Variants in C9orf85 observed in about 807,000 individuals in gnomAD.
C9orf85 encodes uncharacterized protein C9orf85.
In C9orf85, 16 loss-of-function variants were observed where a neutral mutation model predicts 14.9. The observed-to-expected ratio is 1.08, with a 90% CI of 0.73 to 1.63. C9orf85 has a LOEUF of 1.63. Ranked by LOEUF, C9orf85 falls within the 40% of genes most tolerant of loss-of-function variation. The pLI is 0.00. For synonymous variants in C9orf85, 45 were observed against 56.8 expected (o/e 0.79, Z 0.93); for missense variants, 172 against 186.1 (o/e 0.92, Z 0.44).
At chr9:71,915,000 G>A (rs570233815) in intron 1 of C9orf85, among the ~76,000 whole-genome samples, 3 of 152,190 alleles carry the variant, frequency 2.0e-5, no homozygotes, top group South Asian at 4.2e-4. Context: ...GATGTCCAAC[G>A]AAAAGAGCAC....
chr9:71,947,106 A>G lies in C9orf85; in HGVS notation c.203A>G (p.Lys68Arg), dbSNP rs1822117029. The G allele has an allele frequency of 6.2e-7, 1 of 1,607,436 alleles. No individual in the cohort carries two copies. Residue 68 changes from lysine to arginine, a missense_variant, in exon 2 of 4, where the codon AAA becomes AGA. By Grantham distance (26) the Lys-to-Arg change is conservative. Transcript: ENST00000334731. Reference sequence around the variant, plus strand: ...AAATACAAACCATTATCAAAACCTAAAAAGTGGTGAGTTAAGATTCTTCAT... The same window carrying G: ...AAATACAAACCATTATCAAAACCTAGAAAGTGGTGAGTTAAGATTCTTCAT... ...YSKYKPLSKP[K>R]KCVKCLQKTV...
intron 2 of C9orf85, among the ~76,000 whole-genome samples, chr9:71,967,517 GTAAT>G (rs368681662): frequency 6.6e-6 from 1 of 151,938 alleles, no homozygotes; most frequent in African/African-American, 2.4e-5. Flanking sequence ...CTTATACAAA[GTAAT>G]TAATCATTGC....
chr9:71,926,634 G>A (rs1252946727), intron 1 of C9orf85, among the ~76,000 whole-genome samples: 7 of 115,824 alleles, frequency 6.0e-5, no homozygotes, highest in Admixed American at 8.7e-5. Flanking sequence ...CACTGCTGTT[G>A]AAAAAAAAAA....
At chr9:71,916,619 A>T (rs373913851) in intron 1 of C9orf85, among the ~76,000 whole-genome samples, 8 of 152,336 alleles carry the variant, frequency 5.3e-5, no homozygotes, top group Admixed American at 2.0e-4. Flanking sequence ...ATGGAAGTCT[A>T]TGGGTGTACT....
intron 2 of C9orf85, among the ~76,000 whole-genome samples, chr9:71,967,379 C>T (rs1822722632): frequency 6.6e-6 from 1 of 152,258 alleles, no homozygotes; most frequent in Admixed American, 6.5e-5. Context: ...ATCTGTGTGT[C>T]CTTTCACCAG....
intron 1 of C9orf85, among the ~76,000 whole-genome samples, chr9:71,933,141 G>A (rs1288203534): frequency 1.3e-5 from 2 of 152,146 alleles, no homozygotes; most frequent in Non-Finnish European, 2.9e-5. Flanking sequence ...CCCTTAAGTG[G>A]ACCAACTTAC....
At position 71,949,516 on chromosome 9, in the gene C9orf85, AGAG is replaced by A. The variant is rs139570594; in HGVS notation, c.209+2410_209+2412del. Among the ~76,000 whole-genome samples, 605 of 152,336 alleles carry A rather than the reference AGAG, an allele frequency of 4.0e-3. 5 individuals carry two copies. The highest frequency in any genetic ancestry group is 0.013 in the African/African-American group (536 of 41,574). ...ACTGCTAGTTAAAACAAGATCTTGT[AGAG>A]GAGGAAAAAAGTCCTTTCCTTCTAC... On this transcript the variant is annotated intron_variant, in intron 2 of 3. Coordinates refer to ENST00000334731, the MANE Select transcript of C9orf85 (RefSeq NM_182505.5).
At position 71,973,313 on chromosome 9, in the gene C9orf85, A is replaced by G. The variant is rs1822939036; in HGVS notation, c.*471A>G. On this transcript the variant is annotated 3_prime_UTR_variant, in exon 4 of 4. Coordinates refer to ENST00000334731, the MANE Select transcript of C9orf85 (RefSeq NM_182505.5). ...ATATAAATTGTGTATATTACTTAAC[A>G]TCAAACTAAACAAGATTCAGAATTG... 1 of 152,210 alleles carries G rather than the reference A, an allele frequency of 6.6e-6. No individual in the cohort carries two copies. Among genetic ancestry groups the G allele is most frequent in the Non-Finnish European group, 1.5e-5 (1 of 68,048 alleles). 9.4% of individuals were successfully genotyped at this position (152,210 alleles called of 1,614,324 possible).
intron 1 of C9orf85, among the ~76,000 whole-genome samples, chr9:71,941,258 A>G (rs1821921472): frequency 6.6e-6 from 1 of 152,194 alleles, no homozygotes; most frequent in Non-Finnish European, 1.5e-5. Flanking sequence ...CATGAGGGAA[A>G]GTGTTACTGT....
intron 2 of C9orf85, among the ~76,000 whole-genome samples, chr9:71,963,924 G>A (rs928023114): frequency 3.9e-5 from 6 of 152,204 alleles, no homozygotes; most frequent in African/African-American, 1.4e-4. Context: ...AGGAGTGCGG[G>A]CGCACGGCAC....
chr9:71,952,851 A>C (rs1378998174), intron 2 of C9orf85, among the ~76,000 whole-genome samples: 1 of 135,838 alleles, frequency 7.4e-6, no homozygotes, highest in Non-Finnish European at 1.6e-5. Context: ...GAGAATCTCG[A>C]GCCTGCTTTT....
chr9:71,929,382 C>T (rs927728013), intron 1 of C9orf85, among the ~76,000 whole-genome samples: 1 of 152,162 alleles, frequency 6.6e-6, no homozygotes, highest in African/African-American at 2.4e-5. Context: ...TTAATGAGTG[C>T]TTATAAAAAC....
intron 2 of C9orf85, among the ~76,000 whole-genome samples, chr9:71,968,366 C>T (rs12379689): frequency 1.4e-5 from 2 of 146,416 alleles, no homozygotes; most frequent in African/African-American, 2.5e-5. Context: ...AGTATTATTT[C>T]TTAAATATTT....
chr9:71,944,933 T>G (rs1822045598), intron 1 of C9orf85, among the ~76,000 whole-genome samples: 1 of 152,200 alleles, frequency 6.6e-6, no homozygotes, highest in South Asian at 2.1e-4. Context: ...AAGACCTGTT[T>G]TGTTCTACTG....
At chr9:71,970,468 TCATA>T (rs1389645482) in intron 2 of C9orf85, among the ~76,000 whole-genome samples, 1 of 152,200 alleles carries the variant, frequency 6.6e-6, no homozygotes, top group Non-Finnish European at 1.5e-5. Context: ...ATTATTGTTG[TCATA>T]CATTTTACTT....
chr9:71,964,573 G>A (rs1822634540), intron 2 of C9orf85, among the ~76,000 whole-genome samples: 1 of 151,960 alleles, frequency 6.6e-6, no homozygotes, highest in African/African-American at 2.4e-5. Flanking sequence ...TTGAGCCAGC[G>A]AGACCACGAA....
At chr9:71,925,133 G>A (rs1192524482) in intron 1 of C9orf85, among the ~76,000 whole-genome samples, 1 of 152,170 alleles carries the variant, frequency 6.6e-6, no homozygotes, top group Non-Finnish European at 1.5e-5. Flanking sequence ...CATTTATTAA[G>A]GTCTTTTATT....
intron 1 of C9orf85, among the ~76,000 whole-genome samples, chr9:71,917,217 T>C (rs953046780): frequency 6.6e-6 from 1 of 152,166 alleles, no homozygotes; most frequent in South Asian, 2.1e-4. Context: ...CAGAAATGAG[T>C]GTGGTTTATT....
At chr9:71,976,858 C>T (rs1036264445), downstream of C9orf85, among the ~76,000 whole-genome samples, 2 of 151,992 alleles carry the variant, frequency 1.3e-5, no homozygotes, top group Admixed American at 1.3e-4. Context: ...CCCGTTGTCC[C>T]GTTTTCTCTT....
Sources: allele counts gnomAD v4.1 joint callset (sites outside exome capture counted in the v4.1 genomes callset), GRCh38; gene constraint gnomAD v4.1.1; transcripts MANE v1.5; gene names NCBI Gene and HGNC (gene_info 2026-07-23, HGNC 2026-07-21).